The following CYP4V2 variants were observed in gnomAD, a reference collection of about 807,000 sequenced individuals.
CYP4V2 encodes the protein cytochrome P450 family 4 subfamily V member 2.
Under a neutral mutation model 60.8 loss-of-function variants are expected in CYP4V2, and 55 were observed. The ratio of observed to expected loss-of-function variants is 0.90; its 90% confidence interval spans 0.73 to 1.13. CYP4V2 has a LOEUF of 1.13. Ranked by LOEUF, CYP4V2 falls within the 50% of genes most tolerant of loss-of-function variation. The pLI is 0.00. For synonymous variants in CYP4V2, 239 were observed against 236.8 expected (o/e 1.01, Z -0.08); for missense variants, 675 against 662.9 (o/e 1.02, Z -0.20).
chr4:186,194,692 C>G (rs1736097523), intron 2 of CYP4V2, 80 bp downstream of exon 2: 2 of 1,297,212 alleles, frequency 1.5e-6, no homozygotes, highest in African/African-American at 2.9e-5. Flanking sequence ...TATAACGTGT[C>G]CTTATATTTC....
At position 186,197,075 on chromosome 4, in the gene CYP4V2, A is replaced by G. The variant is rs765599061; in HGVS notation, c.549A>G (p.Gln183=). 1 of 1,613,966 alleles carries G rather than the reference A, an allele frequency of 6.2e-7. No homozygotes were observed. The highest frequency in any genetic ancestry group is 8.5e-7 in the Non-Finnish European group (1 of 1,180,016). ...AGAAACTTGAAAAACACATTAACCAAGAAGCATTTAACTGCTTTTTTTACA... is the reference window on the plus strand; with the variant it reads ...AGAAACTTGAAAAACACATTAACCAGGAAGCATTTAACTGCTTTTTTTACA... ...LVKKLEKHIN[Q]EAFNCFFYIT... The change falls in exon 4 of 11, where the codon CAA becomes CAG. Residue 183 remains glutamine (Q), a synonymous_variant. Transcript: ENST00000378802.
intron 3 of CYP4V2, 30 bp from the exon 4 acceptor site, chr4:186,196,910 A>G: frequency 6.2e-7 from 1 of 1,603,368 alleles, no homozygotes; most frequent in Non-Finnish European, 8.5e-7. Context: ...CTGTAGATAT[A>G]TTTTTTGTAA....
chr4:186,197,217 G>GGGGGGACGGGAAA, intron 4 of CYP4V2, 87 bp downstream of exon 4: 1 of 1,483,736 alleles, frequency 6.7e-7, no homozygotes, highest in Non-Finnish European at 9.3e-7. Context: ...GAAGGCAAAT[G>GGGGGGACGGGAAA]GGGGGACGGG....
chr4:186,204,535 G>T (rs976921897), intron 7 of CYP4V2: 1 of 184,936 alleles, frequency 5.4e-6, no homozygotes, highest in African/African-American at 2.4e-5. Flanking sequence ...TTTGTCATCG[G>T]ACACGCCGCA....
In CYP4V2 at chr4:186,201,246, G is replaced by C. The variant is rs1736297867; in HGVS notation, c.891G>C (p.Arg297Ser). The change falls in exon 7 of 11, where the codon AGG (arginine) becomes AGC (serine). Residue 297 changes from arginine (R) to serine (S), a missense_variant. Physicochemically the swap from Arg to Ser is moderately radical, Grantham distance 110. Transcript: ENST00000378802. ...RGSAPSKNKR[R>S]AFLDLLLSVT... is the part of the protein sequence containing the mutation. ...CTGCCCCCTCCAAAAATAAACGCAG[G>C]GCCTTTCTTGACTTGCTTTTAAGTG... is the stretch of plus-strand genomic sequence containing the variant. 1 of 1,613,996 alleles carries C rather than the reference G, an allele frequency of 6.2e-7. No individual in the cohort carries two copies. The highest frequency in any genetic ancestry group is 1.7e-5 in the Admixed American group (1 of 59,990).
Position 186,194,532 on chromosome 4 carries a change from G to A in CYP4V2, c.247G>A (p.Glu83Lys), listed in dbSNP as rs1172426931. ...TCAGCAGATCATTGAGTACACAGAG[G>A]AATACCGCCACATGCCGCTGCTGAA... The part of the protein sequence containing the change: ...FFQQIIEYTE[E>K]YRHMPLLKLW... Residue 83 changes from glutamate to lysine, a missense_variant, in exon 2 of 11, where the codon GAA (glutamate) becomes AAA (lysine). Glu to Lys is a moderately conservative substitution (Grantham distance 56). Transcript: ENST00000378802. 1.2e-6 allele frequency: 2 copies of A among 1,614,138 alleles called. No individual in the cohort carries two copies. The highest frequency in any genetic ancestry group is 2.2e-5 in the East Asian group (1 of 44,882).
chr4:186,201,441 TTAAC>T (rs564337293), intron 7 of CYP4V2, 99 bp downstream of exon 7: 796 of 1,321,638 alleles, frequency 6.0e-4, no homozygotes, highest in Non-Finnish European at 7.8e-4. Flanking sequence ...TTAAAGTAGT[TTAAC>T]TAAAGAAGAT....
At chr4:186,197,412 G>A in intron 4 of CYP4V2, 121 bp from the exon 5 acceptor site, 2 of 1,059,666 alleles carry the variant, frequency 1.9e-6, no homozygotes, top group Non-Finnish European at 2.9e-6. Context: ...GGAGGAAGAA[G>A]AATTCTGAAA....
At position 186,210,597 on chromosome 4, in the gene CYP4V2, G is replaced by C. The variant is rs547395930; in HGVS notation, c.1534G>C (p.Gly512Arg). 1 of 1,614,062 alleles carries C rather than the reference G, an allele frequency of 6.2e-7. No homozygotes were observed. The highest frequency in any genetic ancestry group is 1.1e-5 in the South Asian group (1 of 91,080). ...EGQLILRPSN[G>R]IWIKLKRRNA... ...ACAGTTGATTCTTCGTCCAAGTAAT[G>C]GCATCTGGATCAAGTTGAAGAGGAG... is the stretch of plus-strand genomic sequence containing the variant. Residue 512 changes from glycine to arginine, a missense_variant, in exon 11 of 11, where the codon GGC becomes CGC. Transcript: ENST00000378802.
In CYP4V2 at chr4:186,210,620, G is replaced by A. The variant is rs200291603; in HGVS notation, c.1557G>A (p.Arg519=). 6 of 1,614,096 alleles carry A rather than the reference G, an allele frequency of 3.7e-6. No individual in the cohort carries two copies. Among genetic ancestry groups the A allele is most frequent in the East Asian group, 2.2e-5 (1 of 44,852 alleles). The change falls in exon 11 of 11, where the codon AGG becomes AGA. Residue 519 remains arginine (R), a synonymous_variant. Coordinates refer to ENST00000378802, the MANE Select transcript of CYP4V2 (RefSeq NM_207352.4). Reference sequence around the variant, plus strand: ...ATGGCATCTGGATCAAGTTGAAGAGGAGAAATGCAGATGAACGCTAACTAT... The same window carrying A: ...ATGGCATCTGGATCAAGTTGAAGAGAAGAAATGCAGATGAACGCTAACTAT... ...PSNGIWIKLK[R]RNADER
In CYP4V2 at chr4:186,197,520, C is replaced by T. The variant is rs748856336; in HGVS notation, c.605-13C>T. 9.9e-6 allele frequency: 16 copies of T among 1,613,884 alleles called. No individual in the cohort carries two copies. In the Admixed American group the frequency reaches 2.2e-4, roughly 22 times the overall value. ...CGTGAATTGAATGGTTGCTTCTCAC[C>T]CATATTTTATAGAAACAGCTATGGG... On this transcript the variant is annotated splice_polypyrimidine_tract_variant and intron_variant, in intron 4 of 10. Transcript: ENST00000378802.
At chr4:186,196,142 C>A (rs1466982899) in intron 3 of CYP4V2, 54 bp downstream of exon 3, 11 of 1,424,964 alleles carry the variant, frequency 7.7e-6, no homozygotes, top group Non-Finnish European at 1.1e-5. Context: ...CTTCTACGTG[C>A]AACTTGTTAT....
At chr4:186,206,559 A>G (rs1230680872) in intron 8 of CYP4V2, among the ~76,000 whole-genome samples, 2 of 152,210 alleles carry the variant, frequency 1.3e-5, no homozygotes, top group African/African-American at 4.8e-5. Flanking sequence ...TTTTACAGTG[A>G]GAAGCAGGGA....
intron 8 of CYP4V2, among the ~76,000 whole-genome samples, chr4:186,207,535 A>G (rs1186486502): frequency 1.4e-5 from 2 of 147,728 alleles, no homozygotes; most frequent in Non-Finnish European, 3.0e-5. Flanking sequence ...ATTAAAAATT[A>G]TATAATATAT....
At chr4:186,192,938 G>T (rs544037888) in intron 1 of CYP4V2, among the ~76,000 whole-genome samples, 2 of 152,264 alleles carry the variant, frequency 1.3e-5, no homozygotes, top group East Asian at 3.9e-4. Flanking sequence ...AAGCTTGAAG[G>T]ACTTTTTCTC....
Position 186,191,978 on chromosome 4 carries a change from C to T in CYP4V2, c.155C>T (p.Thr52Met). 1.3e-6 allele frequency: 2 copies of T among 1,584,910 alleles called. No homozygotes were observed. The highest frequency in any genetic ancestry group is 1.1e-5 in the South Asian group (1 of 87,660). The part of the protein sequence containing the change: ...RKWQQMRPIP[T>M]VARAYPLVGH... ...TGGCAGCAGATGCGGCCCATCCCCA[C>T]GGTGGCCCGCGCCTACCCACTGGTG... The change falls in exon 1 of 11, where the codon ACG becomes ATG. Residue 52 changes from threonine to methionine, a missense_variant. Thr to Met is a moderately conservative substitution (Grantham distance 81). Coordinates refer to ENST00000378802, the MANE Select transcript of CYP4V2 (RefSeq NM_207352.4).
At chr4:186,205,782 G>A (rs72646284) in intron 8 of CYP4V2, among the ~76,000 whole-genome samples, 1,947 of 152,300 alleles carry the variant, frequency 0.013, 44 homozygotes, top group African/African-American at 0.044. Flanking sequence ...CCAGTAGGAT[G>A]TCCAGGGTCC....
chr4:186,192,153 C>T (rs781008069), intron 1 of CYP4V2, 116 bp downstream of exon 1: 3 of 1,342,758 alleles, frequency 2.2e-6, no homozygotes, highest in Non-Finnish European at 3.1e-6. Context: ...GAGCCTGTCA[C>T]CCTGTGGAGA....
intron 6 of CYP4V2, among the ~76,000 whole-genome samples, chr4:186,200,213 A>C (rs988029735): frequency 1.2e-4 from 18 of 152,206 alleles, no homozygotes; most frequent in Non-Finnish European, 2.2e-4. Context: ...AGAATAAAAA[A>C]AGACATGGTG....
Sources: allele counts gnomAD v4.1 joint callset (sites outside exome capture counted in the v4.1 genomes callset), GRCh38; gene constraint gnomAD v4.1.1; transcripts MANE v1.5; gene names NCBI Gene and HGNC (gene_info 2026-07-23, HGNC 2026-07-21).